The following MGMT variants were observed in gnomAD, a reference collection of about 807,000 sequenced individuals.
MGMT encodes the protein O-6-methylguanine-DNA methyltransferase, also known as methylated-DNA--protein-cysteine methyltransferase.
Under a neutral mutation model 15.9 loss-of-function variants are expected in MGMT, and 14 were observed. The ratio of observed to expected loss-of-function variants is 0.88; its 90% CI spans 0.58 to 1.37. The LOEUF (loss-of-function observed/expected upper bound fraction) is 1.37. Ranked by LOEUF, MGMT falls within the 40% of genes most tolerant of loss-of-function variation. The pLI, the probability that MGMT is intolerant of heterozygous loss-of-function variation, is 0.00. For synonymous variants in MGMT, 130 were observed against 118.2 expected, an observed-to-expected ratio of 1.10 and a Z score of -0.65; for missense variants, 282 against 268.1, an observed-to-expected ratio of 1.05 and a Z score of -0.36.
intron 2 of MGMT, among the ~76,000 whole-genome samples, chr10:129,597,311 G>A (rs1309918285): frequency 6.6e-6 from 1 of 152,136 alleles, no homozygotes; most frequent in Non-Finnish European, 1.5e-5. Flanking sequence ...AGCTACGACT[G>A]GAAAACTCGG....
chr10:129,757,470 A>G (rs1447642582), intron 3 of MGMT, among the ~76,000 whole-genome samples: 1 of 152,218 alleles, frequency 6.6e-6, no homozygotes, highest in East Asian at 1.9e-4. Context: ...AACGGAAAGC[A>G]CAGAAAACAA....
At chr10:129,737,071 C>A (rs1353783207) in intron 3 of MGMT, among the ~76,000 whole-genome samples, 1 of 151,880 alleles carries the variant, frequency 6.6e-6, no homozygotes, top group African/African-American at 2.4e-5. Flanking sequence ...ATCTTTGTGG[C>A]ATTCTCTGTA....
At chr10:129,733,619 C>T (rs988173146) in intron 3 of MGMT, among the ~76,000 whole-genome samples, 2 of 152,024 alleles carry the variant, frequency 1.3e-5, no homozygotes, top group African/African-American at 4.8e-5. Flanking sequence ...GTGTCTTAGA[C>T]ATGAAGTCCT....
chr10:129,475,229 G>C (rs1269858106), intron 1 of MGMT, among the ~76,000 whole-genome samples: 2 of 152,042 alleles, frequency 1.3e-5, no homozygotes, highest in Admixed American at 6.5e-5. Flanking sequence ...GGGGAGCATT[G>C]AGGCCACTGT....
At chr10:129,546,515 G>A (rs551095852) in intron 2 of MGMT, among the ~76,000 whole-genome samples, 24 of 152,192 alleles carry the variant, frequency 1.6e-4, no homozygotes, top group Non-Finnish European at 3.1e-4. Flanking sequence ...GGAGAGGTGA[G>A]CAAAGAATAA....
chr10:129,694,673 A>T (rs912656015), intron 2 of MGMT, among the ~76,000 whole-genome samples: 1 of 152,106 alleles, frequency 6.6e-6, no homozygotes, highest in East Asian at 1.9e-4. Flanking sequence ...CTGCTTTGGA[A>T]CATAATTGGA....
chr10:129,694,778 C>T (rs1848011180), intron 2 of MGMT, among the ~76,000 whole-genome samples: 1 of 152,118 alleles, frequency 6.6e-6, no homozygotes, highest in African/African-American at 2.4e-5. Context: ...GCCGGGAGAC[C>T]AGCCAGCTCA....
intron 3 of MGMT, among the ~76,000 whole-genome samples, chr10:129,723,758 A>G (rs1436270089): frequency 6.6e-6 from 1 of 152,206 alleles, no homozygotes; most frequent in African/African-American, 2.4e-5. Context: ...TAATACACAG[A>G]TTGGCCCCTG....
chr10:129,476,515 G>C (rs2081148643), intron 1 of MGMT, among the ~76,000 whole-genome samples: 1 of 152,258 alleles, frequency 6.6e-6, no homozygotes, highest in Non-Finnish European at 1.5e-5. Flanking sequence ...GGTGTCCTGG[G>C]TTCCCAGGAA....
At chr10:129,716,307 G>T (rs1848296779) in intron 3 of MGMT, among the ~76,000 whole-genome samples, 1 of 152,148 alleles carries the variant, frequency 6.6e-6, no homozygotes, top group Non-Finnish European at 1.5e-5. Flanking sequence ...ATACAGTGTA[G>T]CTGTTACTAT....
intron 2 of MGMT, among the ~76,000 whole-genome samples, chr10:129,568,693 C>T (rs1255176838): frequency 1.3e-5 from 2 of 152,136 alleles, no homozygotes; most frequent in Non-Finnish European, 2.9e-5. Flanking sequence ...CATTGAGTTC[C>T]TCCCTCTGAC....
At chr10:129,700,983 C>G (rs1589945041) in intron 2 of MGMT, 1 of 152,236 alleles carries the variant, frequency 6.6e-6, no homozygotes, top group Non-Finnish European at 1.5e-5. Flanking sequence ...CCTTCAGTCC[C>G]GAAGCCTCTC....
At chr10:129,646,754 A>ATATATATTTTT in intron 2 of MGMT, among the ~76,000 whole-genome samples, 5 of 86,674 alleles carry the variant, frequency 5.8e-5, no homozygotes, top group Non-Finnish European at 1.3e-4. Context: ...ATATATATAT[A>ATATATATTTTT]TTTTCAGGGA....
rs1049334400 is a variant in MGMT at position 129,688,686 on chromosome 10, CTTTAG to C, written c.126-19204_126-19200del. Among the ~76,000 whole-genome samples, 7 of 152,292 alleles carry C rather than the reference CTTTAG, an allele frequency of 4.6e-5. No homozygotes were observed. In the South Asian group the frequency reaches 6.2e-4, roughly 14 times the overall value. ...TAGTTTATTTTGATGTGCAGAAGCT[CTTTAG>C]TTTAAAGACTTCATGTCTAAAACAC... is the stretch of plus-strand genomic sequence containing the variant. On this transcript the variant is annotated intron_variant, in intron 2 of 4. Coordinates refer to ENST00000651593, the MANE Select transcript of MGMT (RefSeq NM_002412.5).
At chr10:129,616,999 A>G (rs746772743) in intron 2 of MGMT, among the ~76,000 whole-genome samples, 2 of 152,202 alleles carry the variant, frequency 1.3e-5, no homozygotes, top group African/African-American at 4.8e-5. Context: ...TCAGGGGTAC[A>G]TGTGCATGTT....
intron 2 of MGMT, among the ~76,000 whole-genome samples, chr10:129,560,989 G>GTGTGTGCA (rs1554911327): frequency 6.7e-6 from 1 of 149,792 alleles, no homozygotes; most frequent in South Asian, 2.1e-4. Flanking sequence ...GTGTGTGTGT[G>GTGTGTGCA]TGTGTGTGTT....
chr10:129,765,246 C>T (rs892777323), intron 4 of MGMT, among the ~76,000 whole-genome samples: 3 of 152,196 alleles, frequency 2.0e-5, no homozygotes, highest in African/African-American at 2.4e-5. Context: ...CTGGGAGGCT[C>T]TCCAGCCAAT....
At chr10:129,535,478 C>G (rs1443495493) in intron 1 of MGMT, among the ~76,000 whole-genome samples, 1 of 152,202 alleles carries the variant, frequency 6.6e-6, no homozygotes. Flanking sequence ...ATTCTTCAGC[C>G]TCCTGAGCAG....
chr10:129,546,432 G>A (rs1846099035), intron 2 of MGMT, among the ~76,000 whole-genome samples: 1 of 152,248 alleles, frequency 6.6e-6, no homozygotes, highest in Non-Finnish European at 1.5e-5. Flanking sequence ...AGGGGTAGCA[G>A]AAGGAGGCAG....
Sources: allele counts gnomAD v4.1 joint callset (sites outside exome capture counted in the v4.1 genomes callset), GRCh38; gene constraint gnomAD v4.1.1; transcripts MANE v1.5; gene names NCBI Gene and HGNC (gene_info 2026-07-23, HGNC 2026-07-21).